Variants in PIK3C2A observed in about 807,000 individuals in gnomAD.
PIK3C2A encodes phosphatidylinositol-4-phosphate 3-kinase catalytic subunit type 2 alpha.
Under a neutral mutation model 204.5 loss-of-function variants are expected in PIK3C2A, and 97 were observed. The observed-to-expected ratio is 0.47, with a 90% CI of 0.40 to 0.56. The LOEUF is 0.56. PIK3C2A is among the 20% of genes least tolerant of loss of function. The pLI is 0.00. For synonymous variants in PIK3C2A, 653 were observed against 664.4 expected, an observed-to-expected ratio of 0.98 and a Z score of 0.26; for missense variants, 1,735 against 1,969.2, an observed-to-expected ratio of 0.88 and a Z score of 2.25.
At chr11:17,134,269 T>A (rs1384392086) in intron 11 of PIK3C2A, among the ~76,000 whole-genome samples, 3 of 152,070 alleles carry the variant, frequency 2.0e-5, no homozygotes, top group Admixed American at 1.3e-4. Context: ...TGCAGTGGCA[T>A]GATATAGCTC....
Position 17,138,037 on chromosome 11 carries a change from T to C in PIK3C2A, c.1705-1412A>G, listed in dbSNP as rs560946396. ...CACTTTCACAATGATTTTCTGCTCC[T>C]TGATAAGGAAAGCATGCTTGATCCT... On this transcript the variant is annotated intron_variant, in intron 8 of 32. Transcript: ENST00000691414. 1.2e-5 allele frequency: 8 copies of C among 640,408 alleles called. No individual in the cohort carries two copies. The East Asian group carries it at 1.7e-4, about 13-fold the overall frequency. The allele number at this position is 640,408 out of a possible 1,614,324, so 39.7% of individuals were successfully genotyped here. A position where few individuals can be genotyped will look rare whatever the true frequency, so the allele number is the denominator to read the frequency against.
chr11:17,104,056 G>GT, intron 23 of PIK3C2A, among the ~76,000 whole-genome samples: 2 of 152,278 alleles, frequency 1.3e-5, no homozygotes, highest in Middle Eastern at 6.8e-3. Context: ...GATGGCACGT[G>GT]TATGTCTATA....
chr11:17,157,432 C>A (rs185718023), intron 2 of PIK3C2A, among the ~76,000 whole-genome samples: 258 of 146,410 alleles, frequency 1.8e-3, no homozygotes, highest in Middle Eastern at 7.2e-3. Context: ...TGCACTCCAG[C>A]CTGGGCAACA....
intron 4 of PIK3C2A, among the ~76,000 whole-genome samples, chr11:17,150,175 A>T (rs765900563): frequency 1.3e-5 from 2 of 152,222 alleles, no homozygotes; most frequent in Non-Finnish European, 2.9e-5. Flanking sequence ...AATTTCACTG[A>T]CAGCTCTTTA....
intron 1 of PIK3C2A, among the ~76,000 whole-genome samples, chr11:17,170,702 T>C (rs1851127438): frequency 6.6e-6 from 1 of 152,186 alleles, no homozygotes. Flanking sequence ...TACGACCAAC[T>C]GAAAGGTTGC....
Position 17,087,870 on chromosome 11 carries a change from C to T in PIK3C2A, c.*1868G>A, listed in dbSNP as rs1205609462. The T allele has an allele frequency of 6.6e-6, 1 of 152,174 alleles. No homozygotes were observed. Among genetic ancestry groups the T allele is most frequent in the Non-Finnish European group, 1.5e-5 (1 of 68,034 alleles). The allele number at this position is 152,174 out of a possible 1,614,324, so 9.4% of individuals were successfully genotyped here. A position where few individuals can be genotyped will look rare whatever the true frequency, so the allele number is the denominator to read the frequency against. ...TTAAAAAAGACATTCATATACCATA[C>T]TCATGGGTTTAACTACATATGGACC... is the stretch of plus-strand genomic sequence containing the variant. On this transcript the variant is annotated 3_prime_UTR_variant, in exon 33 of 33. Coordinates refer to ENST00000691414, the MANE Select transcript of PIK3C2A (RefSeq NM_002645.4).
At chr11:17,135,235 A>G in intron 9 of PIK3C2A, 76 bp from the exon 10 acceptor site, 1 of 1,445,464 alleles carries the variant, frequency 6.9e-7, no homozygotes, top group Non-Finnish European at 9.6e-7. Flanking sequence ...ACTATGTCCA[A>G]GAAACTCTTT....
chr11:17,193,444 C>A, intron 1 of PIK3C2A: 1 of 351,348 alleles, frequency 2.8e-6, no homozygotes, highest in Non-Finnish European at 5.5e-6. Flanking sequence ...CTGAATATAG[C>A]TTCCGGTTCT....
At chr11:17,111,675 G>A (rs964737611) in intron 21 of PIK3C2A, among the ~76,000 whole-genome samples, 4 of 151,490 alleles carry the variant, frequency 2.6e-5, no homozygotes, top group Admixed American at 1.3e-4. Flanking sequence ...TTAGGAGTTC[G>A]AGACCAGCCT....
chr11:17,192,252 C>G lies in PIK3C2A; in HGVS notation c.-66+15596G>C, dbSNP rs12277622. Among the ~76,000 whole-genome samples, 1,082 of 152,260 alleles carry G rather than the reference C, an allele frequency of 7.1e-3. 22 individuals carry two copies. The highest frequency in any genetic ancestry group is 0.025 in the African/African-American group (1,033 of 41,538). On this transcript the variant is annotated intron_variant, in intron 1 of 32. Coordinates refer to ENST00000691414, the MANE Select transcript of PIK3C2A (RefSeq NM_002645.4). ...TGCTCTTTGGGGAATATTGCTGATA[C>G]AGTAAAGTTATATTCTCCAAGCTAA...
At chr11:17,106,777 G>A (rs1178641038) in intron 22 of PIK3C2A, among the ~76,000 whole-genome samples, 5 of 152,132 alleles carry the variant, frequency 3.3e-5, no homozygotes, top group Non-Finnish European at 7.4e-5. Flanking sequence ...AGAAGACACT[G>A]ACCTAGCTGG....
At chr11:17,107,312 C>CA (rs1431124205) in intron 22 of PIK3C2A, among the ~76,000 whole-genome samples, 1 of 149,102 alleles carries the variant, frequency 6.7e-6, no homozygotes, top group Non-Finnish European at 1.5e-5. Flanking sequence ...GGCTCCGTCT[C>CA]AAAAAATAAA....
At chr11:17,177,248 A>G in intron 1 of PIK3C2A, among the ~76,000 whole-genome samples, 1 of 152,286 alleles carries the variant, frequency 6.6e-6, no homozygotes, top group African/African-American at 2.4e-5. Context: ...TAATACTACT[A>G]TTTAGTTATA....
chr11:17,203,166 C>T (rs1852447011), intron 1 of PIK3C2A, among the ~76,000 whole-genome samples: 1 of 152,004 alleles, frequency 6.6e-6, no homozygotes, highest in Non-Finnish European at 1.5e-5. Flanking sequence ...TCCATATGCA[C>T]TCTCATTGTG....
intron 1 of PIK3C2A, among the ~76,000 whole-genome samples, chr11:17,200,788 T>G (rs773186991): frequency 1.3e-5 from 2 of 152,240 alleles, no homozygotes; most frequent in African/African-American, 2.4e-5. Context: ...TAAGTGTAAA[T>G]TATACCTTAA....
intron 2 of PIK3C2A, among the ~76,000 whole-genome samples, chr11:17,167,846 T>C (rs1001179188): frequency 6.6e-6 from 1 of 152,078 alleles, no homozygotes; most frequent in Admixed American, 6.5e-5. Context: ...AAATCTGCAA[T>C]GGTAATATTT....
chr11:17,144,313 T>C (rs1850161739), intron 8 of PIK3C2A, among the ~76,000 whole-genome samples: 1 of 152,226 alleles, frequency 6.6e-6, no homozygotes. Context: ...TTGATTTCCA[T>C]AACTGCAAGG....
intron 4 of PIK3C2A, among the ~76,000 whole-genome samples, chr11:17,149,836 A>G (rs1434557487): frequency 6.6e-6 from 1 of 152,210 alleles, no homozygotes; most frequent in Non-Finnish European, 1.5e-5. Flanking sequence ...CTTCAAAAGT[A>G]CAAAGCTAGA....
At chr11:17,195,327 C>T (rs1011207041) in intron 1 of PIK3C2A, among the ~76,000 whole-genome samples, 1 of 151,210 alleles carries the variant, frequency 6.6e-6, no homozygotes, top group African/African-American at 2.4e-5. Context: ...GCAGGAGAAT[C>T]GCTGGAATCC....
Sources: gnomAD v4.1 joint callset for allele counts (sites outside exome capture counted in the v4.1 genomes callset) on GRCh38, gnomAD v4.1.1 for gene constraint, MANE v1.5 for transcripts, NCBI Gene and HGNC (gene_info 2026-07-23, HGNC 2026-07-21) for gene names.